AMN1: variants seen among roughly 807,000 people sequenced by gnomAD.
The protein encoded by AMN1 is protein AMN1 homolog.
A neutral mutation model predicts 33.0 loss-of-function variants in AMN1; 20 were observed. The observed-to-expected ratio is 0.61, with a 90% CI of 0.43 to 0.88. AMN1 has a LOEUF of 0.88. Ranked by LOEUF, AMN1 falls within the 40% of genes least tolerant of loss-of-function variation. The pLI, the probability that AMN1 is intolerant of heterozygous loss-of-function variation, is 0.00. For missense variants in AMN1, 246 were observed against 307.4 expected, an observed-to-expected ratio of 0.80 and a Z score of 1.49; for synonymous variants, 114 against 111.9, an observed-to-expected ratio of 1.02 and a Z score of -0.12.
chr12:31,675,782 C>T lies in AMN1; in HGVS notation c.704-3405G>A, dbSNP rs1043446987. On this transcript the variant is annotated intron_variant, in intron 6 of 6. Transcript: ENST00000281471. ...TTGGCCTCCCAAAGTGCTGGGGTTA[C>T]AGGCGTGAGCCACCGTTACCCGCCA... Among the ~76,000 whole-genome samples, 4 of 151,950 alleles carry T rather than the reference C, an allele frequency of 2.6e-5. No homozygotes were observed. The South Asian group carries it at 8.3e-4, about 31-fold the overall frequency.
At chr12:31,679,269 G>A (rs1027994988) in intron 6 of AMN1, among the ~76,000 whole-genome samples, 2 of 152,142 alleles carry the variant, frequency 1.3e-5, no homozygotes, top group African/African-American at 2.4e-5. Context: ...GCTCACACCT[G>A]TAATCCCAGC....
rs77970102 is a variant in AMN1, at chr12:31,704,331, G to A, written c.172-2324C>T. Among the ~76,000 whole-genome samples, 272 of 152,112 alleles carry A rather than the reference G, an allele frequency of 1.8e-3. 10 individuals are homozygous for A. In the East Asian group the frequency reaches 0.05, roughly 28 times the overall value. ...AAATATCCTTTGATATGTTATTGGA[G>A]ATTTGTATTTTTTCCTCTGAGTATT... On this transcript the variant is annotated intron_variant, in intron 2 of 6. Transcript: ENST00000281471.
intron 2 of AMN1, among the ~76,000 whole-genome samples, chr12:31,703,762 C>T (rs1939106560): frequency 6.6e-6 from 1 of 152,156 alleles, no homozygotes; most frequent in Non-Finnish European, 1.5e-5. Flanking sequence ...ATTCCATTTT[C>T]TGCAAGTATC....
At position 31,689,129 on chromosome 12, in the gene AMN1, A is replaced by G; in HGVS notation, c.592-11T>C. 6.5e-7 allele frequency: 1 copy of G among 1,529,904 alleles called. No individual in the cohort carries two copies. The highest frequency in any genetic ancestry group is 2.3e-5 in the East Asian group (1 of 44,330). The allele number at this position is 1,529,904 out of a possible 1,614,324, so 94.8% of individuals were successfully genotyped here. A position where few individuals can be genotyped will look rare whatever the true frequency, so the allele number is the denominator to read the frequency against. On this transcript the variant is annotated splice_polypyrimidine_tract_variant and intron_variant, in intron 5 of 6. Transcript: ENST00000281471. ...TCCCATATGAATCTCCTATGCAAAA[A>G]TAAAGAAAATAAAGTCAAATGAAAA...
chr12:31,675,504 T>A (rs1322563685), intron 6 of AMN1, among the ~76,000 whole-genome samples: 2 of 151,654 alleles, frequency 1.3e-5, no homozygotes, highest in African/African-American at 4.9e-5. Context: ...TCCACACTTT[T>A]TTTTTTTTTT....
intron 6 of AMN1, chr12:31,673,655 A>G (rs1951328080): frequency 2.3e-6 from 1 of 434,484 alleles, no homozygotes; most frequent in South Asian, 1.6e-5. Flanking sequence ...CCAAAGCCAG[A>G]CAAAGACATC....
chr12:31,706,554 C>T (rs1469188446), intron 2 of AMN1, among the ~76,000 whole-genome samples: 1 of 152,042 alleles, frequency 6.6e-6, no homozygotes, highest in Non-Finnish European at 1.5e-5. Context: ...TTTTGAAACA[C>T]AAATAGCAAA....
At chr12:31,712,080 A>C (rs1483342558) in intron 1 of AMN1, among the ~76,000 whole-genome samples, 12 of 116,398 alleles carry the variant, frequency 1.0e-4, no homozygotes, top group Admixed American at 2.0e-4. Context: ...CTCCTTCCCT[A>C]CCTCCCTCTC....
intron 3 of AMN1, among the ~76,000 whole-genome samples, chr12:31,699,077 G>A (rs1938863978): frequency 6.6e-6 from 1 of 151,970 alleles, no homozygotes; most frequent in African/African-American, 2.4e-5. Context: ...CAGGGAATAG[G>A]GGATGGGGAT....
At chr12:31,717,583 A>G (rs1275309862) in intron 1 of AMN1, among the ~76,000 whole-genome samples, 1 of 152,216 alleles carries the variant, frequency 6.6e-6, no homozygotes, top group African/African-American at 2.4e-5. Flanking sequence ...TTTTAATTCA[A>G]GACTCTTCTG....
chr12:31,684,950 A>G (rs1344069121), intron 6 of AMN1, among the ~76,000 whole-genome samples: 1 of 152,152 alleles, frequency 6.6e-6, no homozygotes, highest in Non-Finnish European at 1.5e-5. Flanking sequence ...GGGAATACAA[A>G]ATCTAAGATG....
At chr12:31,719,937 G>A (rs1166088121) in intron 1 of AMN1, among the ~76,000 whole-genome samples, 2 of 152,174 alleles carry the variant, frequency 1.3e-5, no homozygotes, top group African/African-American at 4.8e-5. Context: ...GTGGTTGCAT[G>A]CGGCCACAGT....
intron 1 of AMN1, among the ~76,000 whole-genome samples, chr12:31,721,125 C>A (rs531463898): frequency 6.6e-6 from 1 of 152,318 alleles, no homozygotes; most frequent in Admixed American, 6.5e-5. Context: ...GCAAAGCCAG[C>A]TGCTTATATA....
chr12:31,700,405 GAAA>G (rs922484051), intron 3 of AMN1, among the ~76,000 whole-genome samples: 85 of 151,554 alleles, frequency 5.6e-4, no homozygotes, highest in African/African-American at 2.1e-3. Context: ...ACCAAATATT[GAAA>G]AAAAGAGGTC....
chr12:31,673,289 A>C (rs1951320034), intron 6 of AMN1, among the ~76,000 whole-genome samples: 1 of 152,068 alleles, frequency 6.6e-6, no homozygotes, highest in African/African-American at 2.4e-5. Flanking sequence ...CAACATATAC[A>C]GTGACAAAAT....
At chr12:31,717,270 C>T (rs61932065) in intron 1 of AMN1, among the ~76,000 whole-genome samples, 15,298 of 152,196 alleles carry the variant, frequency 0.1, 1,101 homozygotes, top group East Asian at 0.27. Flanking sequence ...CTGCAAAGGA[C>T]GTGATTTCAT....
rs187003234 is a variant in AMN1 at position 31,686,713 on chromosome 12, T to C, written c.703+2294A>G. On this transcript the variant is annotated intron_variant, in intron 6 of 6. Coordinates refer to ENST00000281471, the MANE Select transcript of AMN1 (RefSeq NM_001113402.2). ...GTCTCATGTAATCTATTGAATATTA[T>C]ACTGAAAGTGAAAAAAATGCTTGCA... Among the ~76,000 whole-genome samples the C allele has an allele frequency of 2.8e-3, 427 of 152,320 alleles. 4 individuals carry two copies. The highest frequency in any genetic ancestry group is 8.8e-3 in the African/African-American group (365 of 41,570).
At chr12:31,699,395 C>CAAAAAAAAGAAAAAAAA (rs1938882341) in intron 3 of AMN1, among the ~76,000 whole-genome samples, 1 of 36,870 alleles carries the variant, frequency 2.7e-5, no homozygotes, top group East Asian at 9.8e-4. Flanking sequence ...GACTCTGTCT[C>CAAAAAAAAGAAAAAAAA]AAAAAAAAAA....
chr12:31,687,593 G>T lies in AMN1; in HGVS notation c.703+1414C>A, dbSNP rs1188974719. 1.3e-5 allele frequency among the ~76,000 whole-genome samples: 2 copies of T among 151,554 alleles called. No individual in the cohort carries two copies. The highest frequency in any genetic ancestry group is 3.9e-4 in the East Asian group (2 of 5,136). ...AGCTACTTGGGAGGCTGAGGCAGGA[G>T]AATCACTTGAACCTGGAAGGCAGAG... On this transcript the variant is annotated intron_variant, in intron 6 of 6. Transcript: ENST00000281471. This position sits in a 1 kb window ranked among gnomAD's most constrained non-coding sequence, Gnocchi z 4.1.
Sources: gnomAD v4.1 joint callset for allele counts (sites outside exome capture counted in the v4.1 genomes callset) on GRCh38, gnomAD v4.1.1 for gene constraint, Gnocchi (gnomAD v3.1) non-coding constraint, MANE v1.5 for transcripts, NCBI Gene and HGNC (gene_info 2026-07-23, HGNC 2026-07-21) for gene names.